The following IGF2BP1 variants were observed in gnomAD, a reference collection of about 807,000 sequenced individuals.
IGF2BP1 encodes the protein insulin-like growth factor 2 mRNA-binding protein 1.
In IGF2BP1, 11 loss-of-function variants were observed where a neutral mutation model predicts 74.9. That is an observed-to-expected ratio of 0.15 (90% confidence interval 0.09 to 0.24). The LOEUF (loss-of-function observed/expected upper bound fraction) is 0.24. Among genes scored for constraint, IGF2BP1 ranks in the 10% least tolerant of loss-of-function variants. The pLI, the probability that IGF2BP1 is intolerant of heterozygous loss-of-function variation, is 1.00. For missense variants in IGF2BP1, 440 were observed against 757.4 expected (o/e 0.58, Z 4.92); for synonymous variants, 287 against 281.8 (o/e 1.02, Z -0.18).
intron 2 of IGF2BP1, among the ~76,000 whole-genome samples, chr17:49,018,727 G>A (rs1353753366): frequency 6.6e-6 from 1 of 151,782 alleles, no homozygotes; most frequent in Admixed American, 6.6e-5. Flanking sequence ...TAATTAAGAA[G>A]GTGTTTCCTT....
intron 6 of IGF2BP1, among the ~76,000 whole-genome samples, chr17:49,039,264 C>CT (rs1259510593): frequency 6.6e-6 from 1 of 151,986 alleles, no homozygotes; most frequent in Non-Finnish European, 1.5e-5. Flanking sequence ...TTGTTATTTA[C>CT]TTTGAGTTTG....
At chr17:49,001,038 G>T (rs1199789425) in intron 2 of IGF2BP1, among the ~76,000 whole-genome samples, 9 of 151,990 alleles carry the variant, frequency 5.9e-5, no homozygotes, top group African/African-American at 1.7e-4. Flanking sequence ...TGAGTCAGTT[G>T]TGTTTTCTTT....
chr17:49,042,610 A>G (rs1257796314), intron 9 of IGF2BP1, among the ~76,000 whole-genome samples: 2 of 152,118 alleles, frequency 1.3e-5, no homozygotes, highest in Non-Finnish European at 2.9e-5. Context: ...CTGTGATTCC[A>G]AGTATGTGTA....
Position 49,053,541 on chromosome 17 carries a change from T to C in IGF2BP1, c.*4097T>C, listed in dbSNP as rs1319038169. 1 of 152,876 alleles carries C rather than the reference T, an allele frequency of 6.5e-6. No homozygotes were observed. The highest frequency in any genetic ancestry group is 2.4e-5 in the African/African-American group (1 of 41,442). 9.5% of individuals were successfully genotyped at this position (152,876 alleles called of 1,614,324 possible). A position where few individuals can be genotyped will look rare whatever the true frequency, so the allele number is the denominator to read the frequency against. On this transcript the variant is annotated 3_prime_UTR_variant, in exon 15 of 15. Transcript: ENST00000290341. ...GTTTGGGGCTCCAGGTAGCTCCCTG[T>C]TGTGGGACTGCTCTGTCCCCTGCCC...
At position 49,053,313 on chromosome 17, in the gene IGF2BP1, TC is replaced by T. The variant is rs1329947766; in HGVS notation, c.*3871del. 2 of 152,678 alleles carry T rather than the reference TC, an allele frequency of 1.3e-5. No homozygotes were observed. The highest frequency in any genetic ancestry group is 2.9e-5 in the Non-Finnish European group (2 of 68,076). 9.5% of individuals were successfully genotyped at this position (152,678 alleles called of 1,614,324 possible). A position where few individuals can be genotyped will look rare whatever the true frequency, so the allele number is the denominator to read the frequency against. On this transcript the variant is annotated 3_prime_UTR_variant, in exon 15 of 15. Coordinates refer to ENST00000290341, the MANE Select transcript of IGF2BP1 (RefSeq NM_006546.4). ...ACAGACAGAGGCTGAGAGAGGCTGT[TC>T]CTGAATCAAAGCAATAGCCAGCTTT... is the stretch of plus-strand genomic sequence containing the variant.
intron 5 of IGF2BP1, among the ~76,000 whole-genome samples, chr17:49,032,838 A>G (rs1232434675): frequency 6.6e-6 from 1 of 151,956 alleles, no homozygotes; most frequent in Non-Finnish European, 1.5e-5. Flanking sequence ...TTTTTTGGAG[A>G]CAAGTCTCAC....
intron 9 of IGF2BP1, 53 bp downstream of exon 9, chr17:49,042,430 C>G: frequency 6.2e-7 from 1 of 1,607,242 alleles, no homozygotes; most frequent in Non-Finnish European, 8.5e-7. Context: ...TTAGCAACAG[C>G]AGCTTGTGGG....
chr17:48,997,868 C>T lies in IGF2BP1; in HGVS notation c.123C>T (p.Phe41=), dbSNP rs2041427281. ...GQFLVKSGYA[F]VDCPDEHWAM... is the part of the protein sequence containing the mutation. ...TCTTGGTCAAATCCGGCTACGCCTT[C>T]GTGGACTGCCCGGACGAGCACTGGG... The change falls in exon 1 of 15, where the codon TTC becomes TTT. Residue 41 remains phenylalanine (F), a synonymous_variant. Transcript: ENST00000290341. The surrounding 1 kb of genome is among the most constrained non-coding windows in gnomAD (Gnocchi z 4.8). 1 of 1,614,196 alleles carries T rather than the reference C, an allele frequency of 6.2e-7. No homozygotes were observed. Among genetic ancestry groups the T allele is most frequent in the Non-Finnish European group, 8.5e-7 (1 of 1,180,012 alleles).
At chr17:49,042,418 T>A (rs1465458227) in intron 9 of IGF2BP1, 41 bp downstream of exon 9, 1 of 1,612,468 alleles carries the variant, frequency 6.2e-7, no homozygotes, top group East Asian at 2.2e-5. Context: ...CTTTCCTGAG[T>A]CTTAGCAACA....
chr17:49,022,988 A>T (rs1319874345), intron 2 of IGF2BP1, among the ~76,000 whole-genome samples: 1 of 152,234 alleles, frequency 6.6e-6, no homozygotes, highest in African/African-American at 2.4e-5. Flanking sequence ...TACCTGTTAT[A>T]GGTGTTAAAC....
intron 2 of IGF2BP1, among the ~76,000 whole-genome samples, chr17:49,021,244 G>T (rs1444740390): frequency 2.0e-5 from 3 of 152,128 alleles, no homozygotes; most frequent in African/African-American, 7.2e-5. Flanking sequence ...AGGTATGAAG[G>T]ATGAGAACTC....
intron 5 of IGF2BP1, 26 bp from the exon 6 acceptor site, chr17:49,038,142 C>G (rs1364345833): frequency 6.8e-7 from 1 of 1,468,876 alleles, no homozygotes; most frequent in Non-Finnish European, 9.0e-7. Context: ...ATTGGAATGA[C>G]CTGTAGACTC....
chr17:49,039,648 A>T (rs1402468863), intron 6 of IGF2BP1, among the ~76,000 whole-genome samples: 1 of 151,832 alleles, frequency 6.6e-6, no homozygotes, highest in Non-Finnish European at 1.5e-5. Flanking sequence ...GCTGGTCTCA[A>T]ACTCCTGGCC....
rs1567805727 is a variant in IGF2BP1 at position 48,997,950 on chromosome 17, CACA to C, written c.175+33_175+35del. ...GAACACAGCCACCTCCCGGAAAAGCCACAACGAGAGCCCCGAACAACGGAGACC... is the reference window on the plus strand; with the variant it reads ...GAACACAGCCACCTCCCGGAAAAGCCACGAGAGCCCCGAACAACGGAGACC... On this transcript the variant is annotated intron_variant, in intron 1 of 14. Coordinates refer to ENST00000290341, the MANE Select transcript of IGF2BP1 (RefSeq NM_006546.4). This position sits in a 1 kb window ranked among gnomAD's most constrained non-coding sequence, Gnocchi z 4.8. 3.7e-6 allele frequency: 6 copies of C among 1,606,728 alleles called. No homozygotes were observed. Among genetic ancestry groups the C allele is most frequent in the Non-Finnish European group, 5.1e-6 (6 of 1,175,936 alleles).
At chr17:49,038,108 G>T in intron 5 of IGF2BP1, 60 bp from the exon 6 acceptor site, 1 of 1,374,634 alleles carries the variant, frequency 7.3e-7, no homozygotes, top group South Asian at 2.0e-5. Flanking sequence ...TTGGCCAAGA[G>T]AGCATCTGGT....
At position 49,041,426 on chromosome 17, in the gene IGF2BP1, G is replaced by T. The variant is rs763244425; in HGVS notation, c.867G>T (p.Gly289=). 1.9e-6 allele frequency: 3 copies of T among 1,614,024 alleles called. No homozygotes were observed. The Admixed American group carries it at 5.0e-5, about 27-fold the overall frequency. ...LKILAHNNFV[G]RLIGKEGRNL... ...TCCTGGCCCATAATAACTTTGTAGG[G>T]CGTCTCATTGGCAAGGAAGGACGGA... is the stretch of plus-strand genomic sequence containing the variant. Residue 289 remains glycine (G), a synonymous_variant, in exon 8 of 15, where the codon GGG becomes GGT. Coordinates refer to ENST00000290341, the MANE Select transcript of IGF2BP1 (RefSeq NM_006546.4).
At chr17:49,041,840 C>T (rs2042056259) in intron 8 of IGF2BP1, among the ~76,000 whole-genome samples, 1 of 152,190 alleles carries the variant, frequency 6.6e-6, no homozygotes, top group Non-Finnish European at 1.5e-5. Flanking sequence ...TGAGAAGTGA[C>T]CTTGGCCCTT....
At chr17:49,021,685 G>T (rs1326824916) in intron 2 of IGF2BP1, among the ~76,000 whole-genome samples, 1 of 152,208 alleles carries the variant, frequency 6.6e-6, no homozygotes, top group African/African-American at 2.4e-5. Flanking sequence ...AGGTTTATCA[G>T]CTATAGGAGG....
At chr17:49,024,796 A>G (rs1462111217) in intron 2 of IGF2BP1, among the ~76,000 whole-genome samples, 1 of 152,224 alleles carries the variant, frequency 6.6e-6, no homozygotes, top group Non-Finnish European at 1.5e-5. Flanking sequence ...AACACCTTCA[A>G]CCAGGCATTT....
Sources: gnomAD v4.1 joint callset for allele counts (sites outside exome capture counted in the v4.1 genomes callset) on GRCh38, gnomAD v4.1.1 for gene constraint, Gnocchi (gnomAD v3.1) non-coding constraint, MANE v1.5 for transcripts, NCBI Gene and HGNC (gene_info 2026-07-23, HGNC 2026-07-21) for gene names.